CLMN: variants seen among roughly 807,000 people sequenced by gnomAD.
CLMN encodes the protein calmin (calponin-like, transmembrane).
Under a neutral mutation model 92.7 loss-of-function variants are expected in CLMN, and 57 were observed. That is an observed-to-expected ratio of 0.61 (90% CI 0.50 to 0.77). The LOEUF is 0.77. Among genes scored for constraint, CLMN ranks in the 30% least tolerant of loss-of-function variants. The pLI, the probability that CLMN is intolerant of heterozygous loss-of-function variation, is 0.00. For synonymous variants in CLMN, 466 were observed against 470.6 expected (o/e 0.99, Z 0.13); for missense variants, 1,158 against 1,237.5 (o/e 0.94, Z 0.96).
intron 1 of CLMN, among the ~76,000 whole-genome samples, chr14:95,251,628 G>T (rs551489867): frequency 1.8e-4 from 28 of 152,284 alleles, no homozygotes; most frequent in Non-Finnish European, 4.1e-4. Flanking sequence ...CTGAGGCTCA[G>T]AAAGGTAAAG....
chr14:95,249,280 C>T (rs1314688472), intron 1 of CLMN, among the ~76,000 whole-genome samples: 2 of 152,216 alleles, frequency 1.3e-5, no homozygotes, highest in Admixed American at 1.3e-4. Flanking sequence ...GCTTCCTCTT[C>T]ATCACTGCAT....
At chr14:95,293,000 T>C (rs1477890453) in intron 1 of CLMN, among the ~76,000 whole-genome samples, 1 of 152,010 alleles carries the variant, frequency 6.6e-6, no homozygotes, top group Non-Finnish European at 1.5e-5. Flanking sequence ...CACATAGCCG[T>C]CCATGGCCAT....
chr14:95,257,980 GGT>G (rs1434677560), intron 1 of CLMN, among the ~76,000 whole-genome samples: 2 of 152,102 alleles, frequency 1.3e-5, no homozygotes, highest in Non-Finnish European at 2.9e-5. Flanking sequence ...AGTCAGCTAT[GGT>G]GTGTGTGAAG....
intron 2 of CLMN, 130 bp from the exon 3 acceptor site, chr14:95,223,985 C>T (rs1238265256): frequency 4.6e-6 from 3 of 652,548 alleles, no homozygotes; most frequent in African/African-American, 3.7e-5. Context: ...TAGAAAAGCC[C>T]ATCCAAGGAG....
At chr14:95,271,711 A>G (rs891343663) in intron 1 of CLMN, among the ~76,000 whole-genome samples, 2 of 152,196 alleles carry the variant, frequency 1.3e-5, no homozygotes, top group African/African-American at 4.8e-5. Context: ...TGTCTTGCTC[A>G]ATGAATTTTA....
chr14:95,312,447 T>C (rs980356096), intron 1 of CLMN, among the ~76,000 whole-genome samples: 1 of 152,150 alleles, frequency 6.6e-6, no homozygotes, highest in African/African-American at 2.4e-5. Flanking sequence ...CCTGCTGTCA[T>C]CACGAGAAGC....
At chr14:95,319,291 A>C (rs1901933054) in intron 1 of CLMN, among the ~76,000 whole-genome samples, 1 of 140,052 alleles carries the variant, frequency 7.1e-6, no homozygotes, top group African/African-American at 2.7e-5. Flanking sequence ...GGTACTTAGG[A>C]AGTGCGCGAA....
intron 1 of CLMN, among the ~76,000 whole-genome samples, chr14:95,285,280 C>T (rs751587829): frequency 3.9e-5 from 6 of 152,122 alleles, no homozygotes; most frequent in Non-Finnish European, 8.8e-5. Flanking sequence ...GTGTGAAAAA[C>T]GGACTAATAC....
rs754960856 is a variant in CLMN, at chr14:95,203,188, C to T, written c.2161G>A (p.Val721Ile). ...AAATAGAAGAGGTCGTGGGGAATGA[C>T]GGAAACCTTTGAGAGGGGTGGGGAG... ...KPSPPLSKVS[V>I]IPHDLFYFPH... The change falls in exon 9 of 13, where the codon GTC (valine) becomes ATC (isoleucine). Residue 721 changes from valine (V) to isoleucine (I), a missense_variant. Coordinates refer to ENST00000298912, the MANE Select transcript of CLMN (RefSeq NM_024734.4). 51 of 1,612,932 alleles carry T rather than the reference C, an allele frequency of 3.2e-5. No individual in the cohort carries two copies. In the Middle Eastern group the frequency reaches 5.0e-4, roughly 16 times the overall value.
At chr14:95,242,827 A>G (rs28490085) in intron 1 of CLMN, among the ~76,000 whole-genome samples, 22,077 of 151,522 alleles carry the variant, frequency 0.15, 2,979 homozygotes, top group African/African-American at 0.36. Flanking sequence ...TTGGCCTCCC[A>G]AAGTGCTGGG....
intron 10 of CLMN, among the ~76,000 whole-genome samples, chr14:95,195,724 G>A (rs1896692277): frequency 6.6e-6 from 1 of 152,210 alleles, no homozygotes. Flanking sequence ...GTGTCTATAG[G>A]TGACGTGAGA....
At chr14:95,238,094 G>A (rs2140648899) in intron 1 of CLMN, among the ~76,000 whole-genome samples, 1 of 152,234 alleles carries the variant, frequency 6.6e-6, no homozygotes, top group Non-Finnish European at 1.5e-5. Flanking sequence ...GTGTGTAGAG[G>A]AGCCAGCCCT....
chr14:95,289,506 T>TAAATAAAC (rs1555394622), intron 1 of CLMN, among the ~76,000 whole-genome samples: 1,109 of 65,824 alleles, frequency 0.017, 25 homozygotes, highest in South Asian at 0.11. Flanking sequence ...AATAAATAAA[T>TAAATAAAC]AAACAAACAA....
At chr14:95,211,919 C>A (rs1485920550) in intron 6 of CLMN, among the ~76,000 whole-genome samples, 1 of 152,168 alleles carries the variant, frequency 6.6e-6, no homozygotes, top group African/African-American at 2.4e-5. Flanking sequence ...ATTAATGTAA[C>A]CACCACAATA....
intron 7 of CLMN, 98 bp downstream of exon 7, chr14:95,210,588 A>C: frequency 3.1e-6 from 4 of 1,286,058 alleles, no homozygotes; most frequent in Non-Finnish European, 4.3e-6. Context: ...AATCTTCTTC[A>C]TTAGATTTTT....
chr14:95,196,629 T>C lies in CLMN; in HGVS notation c.2577A>G (p.Ser859=), dbSNP rs1421895223. ...NPLEENVTKE[S]ISSKKKEKRK... is the part of the protein sequence containing the mutation. The stretch of plus-strand genomic sequence containing the variant: ...TTTTTTCCTTTTTTTTACTACTGAT[T>C]GATTCTTTCGTTACATTTTCTTCTA... The change falls in exon 10 of 13, where the codon TCA becomes TCG. Residue 859 remains serine (S), a synonymous_variant. Coordinates refer to ENST00000298912, the MANE Select transcript of CLMN (RefSeq NM_024734.4). 1 of 1,614,150 alleles carries C rather than the reference T, an allele frequency of 6.2e-7. No homozygotes were observed. Among genetic ancestry groups the C allele is most frequent in the Non-Finnish European group, 8.5e-7 (1 of 1,180,040 alleles).
chr14:95,232,580 G>A (rs548132972), intron 1 of CLMN, among the ~76,000 whole-genome samples: 162 of 152,320 alleles, frequency 1.1e-3, no homozygotes, highest in African/African-American at 3.6e-3. Context: ...CTGTAAGGGA[G>A]GGTCACTGGC....
chr14:95,249,043 GA>G (rs1196812169), intron 1 of CLMN, among the ~76,000 whole-genome samples: 2 of 151,698 alleles, frequency 1.3e-5, no homozygotes, highest in East Asian at 3.9e-4. Flanking sequence ...GAACAAAATT[GA>G]AAATTACAAC....
At chr14:95,245,929 T>TGGAC (rs1898554681) in intron 1 of CLMN, among the ~76,000 whole-genome samples, 1 of 141,482 alleles carries the variant, frequency 7.1e-6, no homozygotes. Context: ...GATGGATGGA[T>TGGAC]GGATGGATGG....
Sources: gnomAD v4.1 joint callset for allele counts (sites outside exome capture counted in the v4.1 genomes callset) on GRCh38, gnomAD v4.1.1 for gene constraint, MANE v1.5 for transcripts, NCBI Gene and HGNC (gene_info 2026-07-23, HGNC 2026-07-21) for gene names.